Variants in GDF5 observed in about 807,000 individuals in gnomAD.
GDF5 encodes growth/differentiation factor 5.
A neutral mutation model predicts 34.6 loss-of-function variants in GDF5; 17 were observed. The observed-to-expected ratio is 0.49, with a 90% CI of 0.34 to 0.74. The LOEUF (loss-of-function observed/expected upper bound fraction) is 0.74. Among genes scored for constraint, GDF5 ranks in the 30% least tolerant of loss-of-function variants. The probability of loss-of-function intolerance (pLI) is 0.01; values close to 1 mark genes in which losing one functional copy is unlikely to be tolerated. For missense variants in GDF5, 616 were observed against 661.2 expected, an observed-to-expected ratio of 0.93 and a Z score of 0.75; for synonymous variants, 332 against 290.7, an observed-to-expected ratio of 1.14 and a Z score of -1.44.
At chr20:35,435,751 AGCATGT>A (rs2062469719) in intron 1 of GDF5, among the ~76,000 whole-genome samples, 1 of 152,102 alleles carries the variant, frequency 6.6e-6, no homozygotes, top group African/African-American at 2.4e-5. Context: ...TACTCTCCTG[AGCATGT>A]GTGTGTGTTA....
intron 1 of GDF5, among the ~76,000 whole-genome samples, chr20:35,447,607 T>A (rs2062518073): frequency 6.6e-6 from 1 of 152,228 alleles, no homozygotes. Flanking sequence ...TTTTTATTTT[T>A]AAAATAATTC....
chr20:35,452,894 G>A (rs1307708365), intron 1 of GDF5, among the ~76,000 whole-genome samples: 1 of 152,114 alleles, frequency 6.6e-6, no homozygotes, highest in East Asian at 1.9e-4. Context: ...TCCACACAAA[G>A]CTTAAATTTT....
At chr20:35,453,180 G>A (rs958298760) in intron 1 of GDF5, among the ~76,000 whole-genome samples, 2 of 152,218 alleles carry the variant, frequency 1.3e-5, no homozygotes, top group African/African-American at 4.8e-5. Flanking sequence ...AACCCGGATG[G>A]TGGAGCTTGC....
At chr20:35,451,570 T>TG (rs1260429928) in intron 1 of GDF5, among the ~76,000 whole-genome samples, 9 of 149,730 alleles carry the variant, frequency 6.0e-5, no homozygotes, top group East Asian at 3.9e-4. Flanking sequence ...GTTTTTTTTC[T>TG]GTTTTTTTTT....
chr20:35,448,413 A>AAATATAT (rs1236837477), intron 1 of GDF5, among the ~76,000 whole-genome samples: 1 of 96,478 alleles, frequency 1.0e-5, no homozygotes, highest in African/African-American at 4.0e-5. Flanking sequence ...AAAAAAAAAA[A>AAATATAT]ATATATATAT....
chr20:35,434,462 C>A lies in GDF5; in HGVS notation c.953G>T (p.Arg318Leu), dbSNP rs201590447. The A allele has an allele frequency of 6.2e-7, 1 of 1,612,602 alleles. No individual in the cohort carries two copies. The change falls in exon 2 of 2, where the codon CGG (arginine) becomes CTG (leucine). Residue 318 changes from arginine to leucine, a missense_variant. Coordinates refer to ENST00000374369, the MANE Select transcript of GDF5 (RefSeq NM_000557.5). ...QLCLELEAWE[R>L]GRAVDLRGLG... is the part of the protein sequence containing the mutation. ...GCCACGGAGGTCCACGGCCCTGCCC[C>A]GTTCCCAGGCCTCCAGCTCCAGGCA...
rs2146578597 is a variant in GDF5, at chr20:35,434,132, T to C, written c.1283A>G (p.His428Arg). ...TGGGAACTCGCACAGCCCCTCGCAG[T>C]GGAAAGCCTCGTACTCAAGGGGTGC... ...IIAPLEYEAFHCEGLCEFPLR... is the reference protein window; with the variant it reads ...IIAPLEYEAFRCEGLCEFPLR... Residue 428 changes from histidine to arginine, a missense_variant, in exon 2 of 2, where the codon CAC becomes CGC. By Grantham distance (29) the His-to-Arg change is conservative (BLOSUM62 0). Coordinates refer to ENST00000374369, the MANE Select transcript of GDF5 (RefSeq NM_000557.5). The C allele has an allele frequency of 5.0e-6, 8 of 1,614,100 alleles. No individual in the cohort carries two copies. Among genetic ancestry groups the C allele is most frequent in the Non-Finnish European group, 6.8e-6 (8 of 1,180,008 alleles).
At position 35,434,219 on chromosome 20, in the gene GDF5, C is replaced by G. The variant is rs1242283920; in HGVS notation, c.1196G>C (p.Arg399Pro). The G allele has an allele frequency of 6.2e-7, 1 of 1,614,084 alleles. No homozygotes were observed. Among genetic ancestry groups the G allele is most frequent in the South Asian group, 1.1e-5 (1 of 91,088 alleles). The change falls in exon 2 of 2, where the codon CGC becomes CCC. Residue 399 changes from arginine to proline, a missense_variant. Transcript: ENST00000374369. Reference protein sequence around the residue: ...GKRPSKNLKARCSRKALHVNF... With the variant: ...GKRPSKNLKAPCSRKALHVNF... ...GACATGCAGTGCCTTCCGACTGCAGCGAGCCTTAAGGTTCTTGCTGGGTCG... is the reference window on the plus strand; with the variant it reads ...GACATGCAGTGCCTTCCGACTGCAGGGAGCCTTAAGGTTCTTGCTGGGTCG...
Position 35,434,354 on chromosome 20 carries a change from A to G in GDF5, c.1061T>C (p.Phe354Ser). ...VFGRTKKRDL[F>S]FNEIKARSGQ... ...AGAGCGGGCCTTAATCTCATTAAAG[A>G]ACAGGTCCCGTTTCTTGGTGCGGCC... Residue 354 changes from phenylalanine (F) to serine (S), a missense_variant, in exon 2 of 2, where the codon TTC becomes TCC. By Grantham distance (155) the Phe-to-Ser change is radical (BLOSUM62 -2). Transcript: ENST00000374369. The G allele has an allele frequency of 6.2e-7, 1 of 1,613,804 alleles. No individual in the cohort carries two copies. Among genetic ancestry groups the G allele is most frequent in the Non-Finnish European group, 8.5e-7 (1 of 1,180,016 alleles).
rs371529960 is a variant in GDF5 at position 35,437,393 on chromosome 20, G to A, written c.536C>T (p.Thr179Met). ...TCCCTTTCTGTCAGCATCGGACAGC[G>A]TCCTGTACAGCGAGAGCATGTACTC... ...PHEYMLSLYR[T>M]LSDADRKGGN... Residue 179 changes from threonine to methionine, a missense_variant, in exon 1 of 2, where the codon ACG becomes ATG. Thr to Met is a moderately conservative substitution (Grantham distance 81). Coordinates refer to ENST00000374369, the MANE Select transcript of GDF5 (RefSeq NM_000557.5). 1.2e-5 allele frequency: 19 copies of A among 1,613,400 alleles called. No homozygotes were observed. Among genetic ancestry groups the A allele is most frequent in the Middle Eastern group, 1.6e-4 (1 of 6,084 alleles).
chr20:35,450,990 T>C (rs909787821), intron 1 of GDF5, among the ~76,000 whole-genome samples: 1 of 146,088 alleles, frequency 6.8e-6, no homozygotes, highest in Non-Finnish European at 1.5e-5. Context: ...TGCAGACCCC[T>C]TTATATTGGG....
At chr20:35,454,153 A>G (rs1415297554) in intron 1 of GDF5, 1 of 392,724 alleles carries the variant, frequency 2.5e-6, no homozygotes, top group African/African-American at 2.1e-5. Context: ...AAGAAAGTGC[A>G]TTAACAATTT....
rs757938728 is a variant in GDF5, at chr20:35,437,782, C to T, written c.147G>A (p.Glu49=). 1.2e-6 allele frequency: 2 copies of T among 1,613,136 alleles called. No homozygotes were observed. Among genetic ancestry groups the T allele is most frequent in the Non-Finnish European group, 1.7e-6 (2 of 1,179,648 alleles). Residue 49 remains glutamate, a synonymous_variant, in exon 1 of 2, where the codon GAG becomes GAA. Transcript: ENST00000374369. The part of the protein sequence containing the change: ...RPGLAKAEAK[E]RPPLARNVFR... ...AGACGTTCCGGGCCAGGGGGGGCCT[C>T]TCCTTGGCCTCTGCTTTGGCCAATC... is the stretch of plus-strand genomic sequence containing the variant.
At chr20:35,442,207 C>T (rs1203698400), upstream of GDF5, among the ~76,000 whole-genome samples, 14 of 152,182 alleles carry the variant, frequency 9.2e-5, no homozygotes, top group Admixed American at 3.9e-4. Flanking sequence ...AGTGCAGTGG[C>T]GCAATCTCAG....
chr20:35,451,050 A>ATATATAT (rs1289781571), intron 1 of GDF5, among the ~76,000 whole-genome samples: 1,393 of 57,370 alleles, frequency 0.024, 172 homozygotes, highest in South Asian at 0.078. Context: ...CAGAAAAAAA[A>ATATATAT]AAAAAAAAAA....
intron 1 of GDF5, among the ~76,000 whole-genome samples, chr20:35,451,067 A>ATATATATATATATATATT (rs2062530797): frequency 4.3e-5 from 1 of 23,240 alleles, no homozygotes; most frequent in Non-Finnish European, 7.2e-5. Flanking sequence ...AAAAAAAAAT[A>ATATATATATATATATATT]TATATATATA....
At position 35,433,514 on chromosome 20, in the gene GDF5, A is replaced by G. The variant is rs1568730922; in HGVS notation, c.*395T>C. On this transcript the variant is annotated 3_prime_UTR_variant, in exon 2 of 2. Coordinates refer to ENST00000374369, the MANE Select transcript of GDF5 (RefSeq NM_000557.5). ...CAGGAAGTCACCAGGCACAAATGTG[A>G]TTTGAGGAGGCAGTGGCACCTGTGG... 4 of 346,464 alleles carry G rather than the reference A, an allele frequency of 1.2e-5. No homozygotes were observed. The East Asian group carries it at 3.0e-4, about 26-fold the overall frequency. The allele number at this position is 346,464 out of a possible 1,614,324, so 21.5% of individuals were successfully genotyped here. A position where few individuals can be genotyped will look rare whatever the true frequency, so the allele number is the denominator to read the frequency against.
rs748012215 is a variant in GDF5, at chr20:35,437,674, G to A, written c.255C>T (p.Gly85=). ...RAKGGTGQTG[G]LTQPKKDEPK... is the part of the protein sequence containing the mutation. ...GTTCATCCTTCTTGGGCTGTGTCAG[G>A]CCTCCTGTCTGCCCGGTGCCTCCCT... Residue 85 remains glycine (G), a synonymous_variant, in exon 1 of 2, where the codon GGC becomes GGT. Coordinates refer to ENST00000374369, the MANE Select transcript of GDF5 (RefSeq NM_000557.5). 1.9e-6 allele frequency: 3 copies of A among 1,613,948 alleles called. No homozygotes were observed. The highest frequency in any genetic ancestry group is 1.1e-5 in the South Asian group (1 of 91,082).
chr20:35,438,824 C>CGTGTGTGTGTGTGTGTGTGTGTGT (rs57641919), upstream of GDF5, among the ~76,000 whole-genome samples: 3 of 126,490 alleles, frequency 2.4e-5, no homozygotes, highest in Non-Finnish European at 3.3e-5. Context: ...ATTTGTTATG[C>CGTGTGTGTGTGTGTGTGTGTGTGT]GTGTGTGTGT....
Sources: allele counts gnomAD v4.1 joint callset (sites outside exome capture counted in the v4.1 genomes callset), GRCh38; gene constraint gnomAD v4.1.1; transcripts MANE v1.5; gene names NCBI Gene and HGNC (gene_info 2026-07-23, HGNC 2026-07-21).